DSCAM: variants seen among roughly 807,000 people sequenced by gnomAD.
DSCAM encodes the protein DS cell adhesion molecule, also known as cell adhesion molecule DSCAM.
A neutral mutation model predicts 217.7 loss-of-function variants in DSCAM; 47 were observed. The observed-to-expected ratio is 0.22, with a 90% CI of 0.17 to 0.28. The LOEUF (loss-of-function observed/expected upper bound fraction) is 0.28. Ranked by LOEUF, DSCAM falls within the 10% of genes least tolerant of loss-of-function variation. The pLI, the probability that DSCAM is intolerant of heterozygous loss-of-function variation, is 1.00. For missense variants in DSCAM, 2,080 were observed against 2,618.3 expected, an observed-to-expected ratio of 0.79 and a Z score of 4.49; for synonymous variants, 1,056 against 1,015.3, an observed-to-expected ratio of 1.04 and a Z score of -0.76.
chr21:40,269,267 C>T (rs1219667545), intron 11 of DSCAM, among the ~76,000 whole-genome samples: 1 of 152,144 alleles, frequency 6.6e-6, no homozygotes, highest in African/African-American at 2.4e-5. Context: ...ACCTCTTTTG[C>T]AGAGTCCCGT....
intron 3 of DSCAM, among the ~76,000 whole-genome samples, chr21:40,553,842 G>T (rs1223727892): frequency 6.6e-6 from 1 of 152,012 alleles, no homozygotes; most frequent in Non-Finnish European, 1.5e-5. Context: ...AAAATAAAAG[G>T]TTCATGAAAG....
intron 2 of DSCAM, among the ~76,000 whole-genome samples, chr21:40,698,077 G>A (rs767005913): frequency 7.2e-5 from 11 of 152,054 alleles, no homozygotes; most frequent in Non-Finnish European, 1.2e-4. Context: ...TGAAGCTTAC[G>A]AAAAGCATCT....
chr21:40,356,162 A>G (rs527439883), intron 4 of DSCAM, among the ~76,000 whole-genome samples: 2 of 152,246 alleles, frequency 1.3e-5, no homozygotes, highest in Admixed American at 1.3e-4. Context: ...GGATTGCTAG[A>G]TCATATGGTA....
intron 15 of DSCAM, among the ~76,000 whole-genome samples, chr21:40,173,301 T>C (rs78292852): frequency 0.058 from 8,839 of 152,170 alleles, 618 homozygotes; most frequent in African/African-American, 0.17. Flanking sequence ...ATTGGATTCT[T>C]GGAGAATAAT....
intron 1 of DSCAM, among the ~76,000 whole-genome samples, chr21:40,718,468 G>A (rs888465763): frequency 2.0e-5 from 3 of 152,208 alleles, no homozygotes; most frequent in African/African-American, 7.2e-5. Flanking sequence ...AGGCAAGGAG[G>A]AGCAAGTCAC....
chr21:40,556,269 C>T (rs1190524740), intron 3 of DSCAM, among the ~76,000 whole-genome samples: 1 of 152,086 alleles, frequency 6.6e-6, no homozygotes, highest in Non-Finnish European at 1.5e-5. Context: ...ATTTTGACTC[C>T]CTCAAAACTT....
chr21:40,775,249 T>A (rs1364034879), intron 1 of DSCAM, among the ~76,000 whole-genome samples: 2 of 152,182 alleles, frequency 1.3e-5, no homozygotes, highest in Non-Finnish European at 2.9e-5. Flanking sequence ...TTATTAAGCA[T>A]GGTTTAAGGC....
chr21:40,214,013 A>G (rs2091213816), intron 11 of DSCAM, among the ~76,000 whole-genome samples: 1 of 152,208 alleles, frequency 6.6e-6, no homozygotes, highest in Non-Finnish European at 1.5e-5. Flanking sequence ...CATTGGAGTC[A>G]TTGCCCCCAT....
intron 6 of DSCAM, among the ~76,000 whole-genome samples, chr21:40,342,734 G>A (rs947266053): frequency 7.5e-6 from 1 of 133,146 alleles, no homozygotes; most frequent in Non-Finnish European, 1.6e-5. Context: ...GACTGCAGGT[G>A]CACACCACGC....
intron 6 of DSCAM, among the ~76,000 whole-genome samples, chr21:40,343,900 ATTTT>A (rs2074528770): frequency 7.9e-6 from 1 of 125,832 alleles, no homozygotes; most frequent in Non-Finnish European, 1.7e-5. Flanking sequence ...CATTTTATTT[ATTTT>A]ATTTTATTTT....
At chr21:40,052,334 TAAG>T (rs1338032249) in intron 29 of DSCAM, among the ~76,000 whole-genome samples, 4 of 152,218 alleles carry the variant, frequency 2.6e-5, no homozygotes, top group South Asian at 2.1e-4. Context: ...AGCAATGAGC[TAAG>T]AAGAACCATG....
At chr21:40,496,909 A>G (rs1008862250) in intron 3 of DSCAM, among the ~76,000 whole-genome samples, 3 of 152,210 alleles carry the variant, frequency 2.0e-5, no homozygotes, top group African/African-American at 7.2e-5. Flanking sequence ...ATCATTAATC[A>G]TCAGCAAAAT....
chr21:40,225,712 G>A (rs1285341353), intron 11 of DSCAM, among the ~76,000 whole-genome samples: 2 of 152,082 alleles, frequency 1.3e-5, no homozygotes, highest in African/African-American at 2.4e-5. Flanking sequence ...TACCGCTGGG[G>A]TCCACACGAT....
intron 3 of DSCAM, among the ~76,000 whole-genome samples, chr21:40,532,100 C>T (rs200535869): frequency 6.6e-6 from 1 of 152,170 alleles, no homozygotes; most frequent in African/African-American, 2.4e-5. Flanking sequence ...CTTTTATGCT[C>T]TCACGGCTGC....
intron 32 of DSCAM, among the ~76,000 whole-genome samples, chr21:40,028,723 G>A (rs532577983): frequency 1.4e-4 from 21 of 151,816 alleles, no homozygotes; most frequent in South Asian, 4.2e-4. Context: ...CACAGTGTGC[G>A]CACCCACTGT....
intron 4 of DSCAM, among the ~76,000 whole-genome samples, chr21:40,364,725 T>C (rs999220599): frequency 2.0e-5 from 3 of 146,830 alleles, no homozygotes; most frequent in Admixed American, 6.9e-5. Context: ...CAGTAGTATA[T>C]ATACATATAT....
chr21:40,134,195 G>A (rs2090184229), intron 18 of DSCAM, among the ~76,000 whole-genome samples, 186 bp from the exon 19 acceptor site: 1 of 152,082 alleles, frequency 6.6e-6, no homozygotes, highest in Non-Finnish European at 1.5e-5. Flanking sequence ...GTGGCCCTTT[G>A]GAAAAGAACA....
chr21:40,220,852 C>T (rs2091283590), intron 11 of DSCAM, among the ~76,000 whole-genome samples: 1 of 152,192 alleles, frequency 6.6e-6, no homozygotes, highest in South Asian at 2.1e-4. Flanking sequence ...GGTCATTTAT[C>T]CTTCTGCGCT....
chr21:40,160,812 C>T (rs62235664), intron 16 of DSCAM, among the ~76,000 whole-genome samples: 1 of 152,152 alleles, frequency 6.6e-6, no homozygotes, highest in African/African-American at 2.4e-5. Context: ...AATCAAAGTG[C>T]CTACACTTAG....
Sources: allele counts gnomAD v4.1 joint callset (sites outside exome capture counted in the v4.1 genomes callset), GRCh38; gene constraint gnomAD v4.1.1; transcripts MANE v1.5; gene names NCBI Gene and HGNC (gene_info 2026-07-23, HGNC 2026-07-21).